BACE2: variants seen among roughly 807,000 people sequenced by gnomAD.
BACE2 encodes the protein 56 kDa aspartic-like protease.
Under a neutral mutation model 46.2 loss-of-function variants are expected in BACE2, and 17 were observed. The observed-to-expected ratio is 0.37, with a 90% CI of 0.25 to 0.55. The LOEUF is 0.55. BACE2 is among the 20% of genes least tolerant of loss of function. The probability of loss-of-function intolerance (pLI) is 0.82; values close to 1 mark genes in which losing one functional copy is unlikely to be tolerated. For synonymous variants in BACE2, 277 were observed against 295.9 expected (o/e 0.94, Z 0.66); for missense variants, 595 against 698.1 (o/e 0.85, Z 1.66).
intron 4 of BACE2, 122 bp downstream of exon 4, chr21:41,242,069 T>C (rs1343567869): frequency 4.6e-6 from 6 of 1,296,492 alleles, no homozygotes; most frequent in Non-Finnish European, 6.4e-6. Context: ...ACTGTAAAAC[T>C]TTCATCCTCC....
intron 1 of BACE2, among the ~76,000 whole-genome samples, chr21:41,197,923 G>A (rs113967825): frequency 0.011 from 1,611 of 152,234 alleles, 11 homozygotes; most frequent in Non-Finnish European, 0.017. Flanking sequence ...TGTATGTGAT[G>A]TACAAAGGGA....
chr21:41,218,894 C>T lies in BACE2; in HGVS notation c.313-7372C>T, dbSNP rs371265187. Among the ~76,000 whole-genome samples the T allele has an allele frequency of 2.3e-3, 339 of 148,202 alleles. 2 individuals are homozygous for T. Among genetic ancestry groups the T allele is most frequent in the African/African-American group, 7.8e-3 (312 of 39,988 alleles). ...CTTTTTTTTTTTTGTGACAGAGTCTCGCTCTGTCACCAGGCTGGAGTGCAG... is the reference window on the plus strand; with the variant it reads ...CTTTTTTTTTTTTGTGACAGAGTCTTGCTCTGTCACCAGGCTGGAGTGCAG... On this transcript the variant is annotated intron_variant, in intron 1 of 8. Coordinates refer to ENST00000330333, the MANE Select transcript of BACE2 (RefSeq NM_012105.5).
At chr21:41,250,256 A>G (rs1441487117) in intron 6 of BACE2, among the ~76,000 whole-genome samples, 1 of 152,154 alleles carries the variant, frequency 6.6e-6, no homozygotes, top group Non-Finnish European at 1.5e-5. Flanking sequence ...AAATGTCCCA[A>G]AAGAGCAGAG....
chr21:41,193,645 G>A lies in BACE2; in HGVS notation c.312+25070G>A, dbSNP rs1985648105. Among the ~76,000 whole-genome samples, 1 of 152,216 alleles carries A rather than the reference G, an allele frequency of 6.6e-6. No individual in the cohort carries two copies. The highest frequency in any genetic ancestry group is 1.5e-5 in the Non-Finnish European group (1 of 68,038). ...ATAATAGTCCACACCCTACCAGTCA[G>A]GGAGCCAGTGTGGGGGTTCTGCCTG... On this transcript the variant is annotated intron_variant, in intron 1 of 8. Coordinates refer to ENST00000330333, the MANE Select transcript of BACE2 (RefSeq NM_012105.5). The surrounding 1 kb of genome is among the most constrained non-coding windows in gnomAD (Gnocchi z 4.2).
chr21:41,216,938 T>C (rs1326440653), intron 1 of BACE2, among the ~76,000 whole-genome samples: 1 of 152,072 alleles, frequency 6.6e-6, no homozygotes, highest in Non-Finnish European at 1.5e-5. Flanking sequence ...CTTTTTTTGT[T>C]TTTTTTTCTC....
intron 1 of BACE2, among the ~76,000 whole-genome samples, chr21:41,174,053 G>A (rs896315053): frequency 2.0e-5 from 3 of 150,678 alleles, no homozygotes; most frequent in African/African-American, 7.4e-5. Flanking sequence ...AGGTAAGTTG[G>A]CTTCACCTCC....
intron 2 of BACE2, 53 bp from the exon 3 acceptor site, chr21:41,237,459 TA>T: frequency 7.8e-7 from 1 of 1,280,828 alleles, no homozygotes; most frequent in Non-Finnish European, 1.0e-6. Context: ...AATAAATAAA[TA>T]AAAATAAAAT....
rs975297045 is a variant in BACE2, at chr21:41,238,608, G to C, written c.618+879G>C. Among the ~76,000 whole-genome samples the C allele has an allele frequency of 9.2e-5, 14 of 152,166 alleles. 1 individual carries two copies. Among genetic ancestry groups the C allele is most frequent in the East Asian group, 5.8e-4 (3 of 5,176 alleles). On this transcript the variant is annotated intron_variant, in intron 3 of 8. Transcript: ENST00000330333. ...GAAAATGTGGCACCTATACACCATGGAATACTATGCAGCCATAAAAAATGA... is the reference window on the plus strand; with the variant it reads ...GAAAATGTGGCACCTATACACCATGCAATACTATGCAGCCATAAAAAATGA...
chr21:41,259,910 T>G (rs898992090), intron 8 of BACE2, among the ~76,000 whole-genome samples: 1 of 149,614 alleles, frequency 6.7e-6, no homozygotes, highest in African/African-American at 2.5e-5. Flanking sequence ...AGGGCTCACT[T>G]TAGCCCAACC....
chr21:41,191,397 C>T (rs7278558), intron 1 of BACE2, among the ~76,000 whole-genome samples: 17,413 of 152,146 alleles, frequency 0.11, 1,120 homozygotes, highest in Middle Eastern at 0.15. Context: ...AATACCATGA[C>T]GGTGGATAAT....
chr21:41,267,491 G>A (rs890686279), intron 8 of BACE2, among the ~76,000 whole-genome samples: 6 of 152,212 alleles, frequency 3.9e-5, no homozygotes, highest in Admixed American at 2.0e-4. Context: ...CCCAAGAGCT[G>A]TATAGATCTC....
At chr21:41,249,452 G>A (rs1987575684) in intron 6 of BACE2, among the ~76,000 whole-genome samples, 1 of 152,202 alleles carries the variant, frequency 6.6e-6, no homozygotes, top group Non-Finnish European at 1.5e-5. Flanking sequence ...CCACATCGAT[G>A]TGCTGCAGAG....
chr21:41,264,481 G>A (rs1288648017), intron 8 of BACE2, among the ~76,000 whole-genome samples: 1 of 151,974 alleles, frequency 6.6e-6, no homozygotes, highest in Non-Finnish European at 1.5e-5. Context: ...TTGGCTCATG[G>A]TTCTGCAGGT....
rs36018371 is a variant in BACE2 at position 41,237,497 on chromosome 21, T to G, written c.402-16T>G. 2,033 of 1,553,010 alleles carry G rather than the reference T, an allele frequency of 1.3e-3. 2 individuals are homozygous for G. The highest frequency in any genetic ancestry group is 1.5e-3 in the Non-Finnish European group (1,698 of 1,140,298). ...AAATAAAATGAATACAATATGCTTT[T>G]CTTTTCTTTCTCCAGGTCTAGCACA... On this transcript the variant is annotated splice_polypyrimidine_tract_variant and intron_variant, in intron 2 of 8. Coordinates refer to ENST00000330333, the MANE Select transcript of BACE2 (RefSeq NM_012105.5).
intron 8 of BACE2, among the ~76,000 whole-genome samples, chr21:41,259,067 A>G (rs1987862389): frequency 1.3e-5 from 2 of 152,242 alleles, no homozygotes; most frequent in African/African-American, 2.4e-5. Flanking sequence ...AGAGGCTACT[A>G]TGGCAACAGC....
chr21:41,192,529 G>C (rs1985608824), intron 1 of BACE2, among the ~76,000 whole-genome samples: 1 of 152,210 alleles, frequency 6.6e-6, no homozygotes, highest in Admixed American at 6.5e-5. Context: ...CAGGCCAAGA[G>C]CTCTCTCTCA....
chr21:41,281,876 A>C lies in BACE2; in HGVS notation c.*6252A>C, dbSNP rs1185626669. 1 of 152,214 alleles carries C rather than the reference A, an allele frequency of 6.6e-6. No homozygotes were observed. Among genetic ancestry groups the C allele is most frequent in the African/African-American group, 2.4e-5 (1 of 41,454 alleles). The allele number at this position is 152,214 out of a possible 1,614,324, so 9.4% of individuals were successfully genotyped here. A position where few individuals can be genotyped will look rare whatever the true frequency, so the allele number is the denominator to read the frequency against. ...ATCAGTGAGGTTTGAAATTCTGTGT[A>C]GCAGTTACTCAGCACATATGAGAGG... is the stretch of plus-strand genomic sequence containing the variant. On this transcript the variant is annotated 3_prime_UTR_variant, in exon 9 of 9. Transcript: ENST00000330333.
chr21:41,180,942 G>A (rs548075886), intron 1 of BACE2: 112 of 167,202 alleles, frequency 6.7e-4, no homozygotes, highest in Non-Finnish European at 1.2e-3. Context: ...CCTGATCTCC[G>A]TTGGTGGCTA....
intron 7 of BACE2, among the ~76,000 whole-genome samples, chr21:41,251,136 A>C (rs967126620): frequency 3.3e-5 from 5 of 152,084 alleles, no homozygotes; most frequent in African/African-American, 1.2e-4. Context: ...GTTGGCCTCC[A>C]CCCAGGCTGG....
Sources: allele counts gnomAD v4.1 joint callset (sites outside exome capture counted in the v4.1 genomes callset), GRCh38; gene constraint gnomAD v4.1.1; non-coding constraint Gnocchi (gnomAD v3.1); transcripts MANE v1.5; gene names NCBI Gene and HGNC (gene_info 2026-07-23, HGNC 2026-07-21).